The following CA5B variants were observed in gnomAD, a reference collection of about 807,000 sequenced individuals.
CA5B encodes carbonic anhydrase 5B, mitochondrial.
A neutral mutation model predicts 23.1 loss-of-function variants in CA5B; 15 were observed. The observed-to-expected ratio is 0.65, with a 90% CI of 0.43 to 1.00. The LOEUF is 1.00. CA5B is among the 50% of genes least tolerant of loss of function. CA5B has a pLI of 0.00. For missense variants in CA5B, 236 were observed against 252.2 expected (o/e 0.94, Z 0.43); for synonymous variants, 84 against 98.5 (o/e 0.85, Z 0.87).
chrX:15,762,290 CT>C (rs1731707249), intron 2 of CA5B, among the ~76,000 whole-genome samples: 1 of 109,822 alleles, frequency 9.1e-6, no homozygotes, highest in Non-Finnish European at 1.9e-5. Context: ...AAGGTATTGA[CT>C]TCCGGCTTTC....
At position 15,747,071 on chromosome X, in the gene CA5B, T is replaced by C. The variant is rs180856859; in HGVS notation, c.-53-2900T>C. Among the ~76,000 whole-genome samples, 60 of 111,703 alleles carry C rather than the reference T, an allele frequency of 5.4e-4. 1 individual carries two copies. In the East Asian group the frequency reaches 0.015, roughly 28 times the overall value. On this transcript the variant is annotated intron_variant, in intron 1 of 7. Transcript: ENST00000318636. ...CTTTTTGGGAAAGGGCTGCTATCAA[T>C]TTTGTTTCAGAGTCACACCATGAAC...
Position 15,776,854 on chromosome X carries a change from G to A in CA5B, c.759G>A (p.Glu253=). 8.3e-7 allele frequency: 1 copy of A among 1,208,844 alleles called. No homozygotes were observed. The highest frequency in any genetic ancestry group is 1.1e-6 in the Non-Finnish European group (1 of 893,261). Residue 253 remains glutamate (E), a synonymous_variant, in exon 7 of 8, where the codon GAG becomes GAA. Coordinates refer to ENST00000318636, the MANE Select transcript of CA5B (RefSeq NM_007220.4). ...VTWIIKKQPV[E]VDHDQLEQFR... is the part of the protein sequence containing the mutation. ...GGATCATTAAGAAGCAACCAGTAGA[G>A]GTTGATCATGATCAGGTATGTTCTC...
At chrX:15,770,733 CTT>C (rs71968643) in intron 3 of CA5B, among the ~76,000 whole-genome samples, 29,036 of 108,247 alleles carry the variant, frequency 0.27, 3,472 homozygotes, top group East Asian at 0.41. Context: ...CTCTCTCTCT[CTT>C]TCTTTCTTTC....
At position 15,738,328 on chromosome X, in the gene CA5B, G is replaced by A. The variant is rs2147249589; in HGVS notation, c.-78G>A. The A allele has an allele frequency of 9.0e-6, 1 of 111,357 alleles. No individual in the cohort carries two copies. The highest frequency in any genetic ancestry group is 3.3e-5 in the African/African-American group (1 of 30,511). The allele number at this position is 111,357 out of a possible 1,213,427, so 9.2% of individuals were successfully genotyped here. On this transcript the variant is annotated 5_prime_UTR_variant, in exon 1 of 8. Transcript: ENST00000318636. Reference sequence around the variant, plus strand: ...TCCCCGTAGGCGAGCGAGCGGCTAGGTTCGTGATCTGGAGAGACGCTCAGG... The same window carrying A: ...TCCCCGTAGGCGAGCGAGCGGCTAGATTCGTGATCTGGAGAGACGCTCAGG...
intron 7 of CA5B, among the ~76,000 whole-genome samples, chrX:15,780,845 C>G (rs1313331038): frequency 8.9e-6 from 1 of 112,430 alleles, no homozygotes; most frequent in Non-Finnish European, 1.9e-5. Context: ...GCCCTGAAGT[C>G]TTTGTTGCAA....
chrX:15,750,124 G>A lies in CA5B; in HGVS notation c.101G>A (p.Cys34Tyr). ...CCGAGATTCATGCCAGCGAGGCCCT[G>A]CAGCCTCTATACTTGTACTTACAAA... Reference protein sequence around the residue: ...QIPRFMPARPCSLYTCTYKTR... With the variant: ...QIPRFMPARPYSLYTCTYKTR... The change falls in exon 2 of 8, where the codon TGC becomes TAC. Residue 34 changes from cysteine to tyrosine, a missense_variant. Transcript: ENST00000318636. The A allele has an allele frequency of 8.3e-7, 1 of 1,211,522 alleles. No individual in the cohort carries two copies.
chrX:15,782,961 C>G lies in CA5B; in HGVS notation c.*297C>G, dbSNP rs1260328121. 4.5e-6 allele frequency: 1 copy of G among 221,602 alleles called. No individual in the cohort carries two copies. The highest frequency in any genetic ancestry group is 2.9e-5 in the African/African-American group (1 of 34,639). 18.3% of individuals were successfully genotyped at this position (221,602 alleles called of 1,213,427 possible). On this transcript the variant is annotated 3_prime_UTR_variant, in exon 8 of 8. Coordinates refer to ENST00000318636, the MANE Select transcript of CA5B (RefSeq NM_007220.4). Reference sequence around the variant, plus strand: ...TGGCCAAATGATAGCTCACTGCAGCCTTGAACTCCTAGGCTCAAGCAGTCC... The same window carrying G: ...TGGCCAAATGATAGCTCACTGCAGCGTTGAACTCCTAGGCTCAAGCAGTCC...
intron 1 of CA5B, among the ~76,000 whole-genome samples, chrX:15,742,389 C>A (rs1235425491): frequency 8.9e-6 from 1 of 111,756 alleles, no homozygotes; most frequent in African/African-American, 3.3e-5. Context: ...TTTTTTGAGA[C>A]GGAGTCTCGC....
At chrX:15,743,497 T>G (rs1457026601) in intron 1 of CA5B, among the ~76,000 whole-genome samples, 1 of 112,214 alleles carries the variant, frequency 8.9e-6, no homozygotes, top group Non-Finnish European at 1.9e-5. Flanking sequence ...GTTTCATACT[T>G]AATAGATGTT....
intron 1 of CA5B, among the ~76,000 whole-genome samples, chrX:15,746,022 CTTTTTT>C (rs11304971): frequency 9.4e-5 from 5 of 53,410 alleles, no homozygotes; most frequent in African/African-American, 2.8e-4. Flanking sequence ...GCGTCAACTT[CTTTTTT>C]TTTTTTTTTT....
chrX:15,744,998 G>A lies in CA5B; in HGVS notation c.-53-4973G>A, dbSNP rs545940875. Among the ~76,000 whole-genome samples the A allele has an allele frequency of 6.4e-5, 7 of 108,982 alleles. No individual in the cohort carries two copies. In the South Asian group the frequency reaches 1.2e-3, roughly 18 times the overall value. The allele number at this position is 108,982 out of a possible 115,157, so 94.6% of individuals were successfully genotyped here. On this transcript the variant is annotated intron_variant, in intron 1 of 7. Transcript: ENST00000318636. ...AGCCTGGCCAACATGGTGAAACCCCGTCTCTACTAAAAATACAGAAATTAG... is the reference window on the plus strand; with the variant it reads ...AGCCTGGCCAACATGGTGAAACCCCATCTCTACTAAAAATACAGAAATTAG...
chrX:15,743,106 C>T (rs1236618042), intron 1 of CA5B, among the ~76,000 whole-genome samples: 2 of 112,521 alleles, frequency 1.8e-5, no homozygotes, highest in Non-Finnish European at 3.8e-5. Context: ...CTACTCCTGC[C>T]ATATTGGCCT....
intron 3 of CA5B, among the ~76,000 whole-genome samples, chrX:15,769,301 A>G (rs1367787568): frequency 2.7e-5 from 3 of 112,059 alleles, no homozygotes. Context: ...AAGGTATGTG[A>G]ACATCTCATA....
intron 5 of CA5B, 76 bp from the exon 6 acceptor site, chrX:15,775,170 T>A (rs1014689404): frequency 3.2e-5 from 25 of 769,897 alleles, no homozygotes; most frequent in Non-Finnish European, 4.7e-5. Context: ...GTAGTTAATT[T>A]TAATTCACAT....
rs764706956 is a variant in CA5B, at chrX:15,777,104, A to G, written c.774+235A>G. Among the ~76,000 whole-genome samples the G allele has an allele frequency of 2.8e-4, 31 of 112,520 alleles. No individual in the cohort carries two copies. In the Middle Eastern group the frequency reaches 0.014, roughly 50 times the overall value. On this transcript the variant is annotated intron_variant, in intron 7 of 7. Coordinates refer to ENST00000318636, the MANE Select transcript of CA5B (RefSeq NM_007220.4). Reference sequence around the variant, plus strand: ...TTTTTTACATTTATATTTGACAATTACATATGTCTTCTTATGCCTTGTGTA... The same window carrying G: ...TTTTTTACATTTATATTTGACAATTGCATATGTCTTCTTATGCCTTGTGTA...
rs749455145 is a variant in CA5B, at chrX:15,782,592, A to G, written c.882A>G (p.Ser294=). The change falls in exon 8 of 8, where the codon TCA becomes TCG. Residue 294 remains serine, a synonymous_variant. Transcript: ENST00000318636. ...CACTGATGAATCGCACTGTTCGTTC[A>G]TCCTTCCGGCATGATTATGTGCTGA... ...LQPLMNRTVR[S]SFRHDYVLNV... 6.6e-6 allele frequency: 8 copies of G among 1,210,216 alleles called. No homozygotes were observed. Among genetic ancestry groups the G allele is most frequent in the Non-Finnish European group, 6.7e-6 (6 of 894,834 alleles).
At chrX:15,782,390 C>T (rs1172207306) in intron 7 of CA5B, 95 bp from the exon 8 acceptor site, 1 of 857,127 alleles carries the variant, frequency 1.2e-6, no homozygotes, top group Admixed American at 2.9e-5. Context: ...TAATTTGCAA[C>T]GAATGCTCAG....
chrX:15,772,051 A>T, intron 3 of CA5B, among the ~76,000 whole-genome samples: 1 of 112,154 alleles, frequency 8.9e-6, no homozygotes, highest in Non-Finnish European at 1.9e-5. Flanking sequence ...CAAATGTCCT[A>T]TTCCATTTCA....
At position 15,782,673 on chromosome X, in the gene CA5B, T is replaced by C; in HGVS notation, c.*9T>C. ...GCCAAGCAACCCCCTAAAACATTCA[T>C]ATCTAGGCAGTATTTTGCTTTTGCT... is the stretch of plus-strand genomic sequence containing the variant. On this transcript the variant is annotated 3_prime_UTR_variant, in exon 8 of 8. Transcript: ENST00000318636. 8.6e-7 allele frequency: 1 copy of C among 1,161,853 alleles called. No homozygotes were observed. Among genetic ancestry groups the C allele is most frequent in the Non-Finnish European group, 1.1e-6 (1 of 870,009 alleles).
Sources: allele counts gnomAD v4.1 joint callset (sites outside exome capture counted in the v4.1 genomes callset), GRCh38; gene constraint gnomAD v4.1.1; transcripts MANE v1.5; gene names NCBI Gene and HGNC (gene_info 2026-07-23, HGNC 2026-07-21).